GNPNAT1: variants seen among roughly 807,000 people sequenced by gnomAD.
GNPNAT1 encodes the protein glucosamine-phosphate N-acetyltransferase 1.
GNPNAT1 carries 11 observed loss-of-function variants against 19.8 expected under a neutral mutation model. The ratio of observed to expected loss-of-function variants is 0.56; its 90% CI spans 0.35 to 0.92. The LOEUF (loss-of-function observed/expected upper bound fraction) is 0.92. Ranked by LOEUF, GNPNAT1 falls within the 40% of genes least tolerant of loss-of-function variation. The probability of loss-of-function intolerance (pLI) is 0.01; values close to 1 mark genes in which losing one functional copy is unlikely to be tolerated. For synonymous variants in GNPNAT1, 71 were observed against 72.3 expected, an observed-to-expected ratio of 0.98 and a Z score of 0.09; for missense variants, 157 against 211.0, an observed-to-expected ratio of 0.74 and a Z score of 1.59.
intron 1 of GNPNAT1, among the ~76,000 whole-genome samples, chr14:52,787,491 A>G (rs567978268): frequency 6.6e-5 from 10 of 152,248 alleles, no homozygotes; most frequent in African/African-American, 2.2e-4. Flanking sequence ...AGTGGTTATT[A>G]TCTACATTTT....
At chr14:52,782,762 A>G (rs1882923113) in intron 3 of GNPNAT1, among the ~76,000 whole-genome samples, 1 of 152,100 alleles carries the variant, frequency 6.6e-6, no homozygotes, top group Non-Finnish European at 1.5e-5. Flanking sequence ...AGAATTCAAT[A>G]CAAAATTCCC....
chr14:52,779,139 G>C (rs1882818002), intron 5 of GNPNAT1, among the ~76,000 whole-genome samples: 1 of 152,056 alleles, frequency 6.6e-6, no homozygotes, highest in Admixed American at 6.6e-5. Flanking sequence ...CTTCGGAGCA[G>C]TCGACATACC....
In GNPNAT1 at chr14:52,784,488, G is replaced by A. The variant is rs1252988461; in HGVS notation, c.154+9C>T. On this transcript the variant is annotated intron_variant, in intron 2 of 5. Coordinates refer to ENST00000216410, the MANE Select transcript of GNPNAT1 (RefSeq NM_198066.4). ...TAACTCTAATTTTACACAGGATTTTGTACATTACCTCTATTTAAGTCAGCA... is the reference window on the plus strand; with the variant it reads ...TAACTCTAATTTTACACAGGATTTTATACATTACCTCTATTTAAGTCAGCA... 1.3e-6 allele frequency: 2 copies of A among 1,555,678 alleles called. No homozygotes were observed. The highest frequency in any genetic ancestry group is 1.7e-6 in the Non-Finnish European group (2 of 1,158,110).
At chr14:52,785,229 T>G (rs12887100) in intron 1 of GNPNAT1, among the ~76,000 whole-genome samples, 52,973 of 151,596 alleles carry the variant, frequency 0.35, 11,050 homozygotes, top group Middle Eastern at 0.47. Context: ...CGCCCGGCTA[T>G]TATCAGGTCT....
intron 4 of GNPNAT1, 46 bp downstream of exon 4, chr14:52,781,738 T>C (rs1204623465): frequency 6.5e-7 from 1 of 1,541,856 alleles, no homozygotes; most frequent in Non-Finnish European, 8.7e-7. Context: ...TCAAAGTCAG[T>C]TGTGCTAGAA....
At position 52,781,744 on chromosome 14, in the gene GNPNAT1, T is replaced by C. The variant is rs200460769; in HGVS notation, c.345+40A>G. On this transcript the variant is annotated intron_variant, in intron 4 of 5. Transcript: ENST00000216410. ...AATGGAAACTCAAAGTCAGTTGTGCTAGAAAACAGCTGTCCATTTTATTTA... is the reference window on the plus strand; with the variant it reads ...AATGGAAACTCAAAGTCAGTTGTGCCAGAAAACAGCTGTCCATTTTATTTA... 83 of 1,552,188 alleles carry C rather than the reference T, an allele frequency of 5.3e-5. No individual in the cohort carries two copies. The East Asian group carries it at 1.0e-3, about 19-fold the overall frequency.
In GNPNAT1 at chr14:52,777,011, G is replaced by A. The variant is rs1402196056; in HGVS notation, c.*1300C>T. The A allele has an allele frequency of 6.6e-6, 1 of 152,242 alleles. No homozygotes were observed. Among genetic ancestry groups the A allele is most frequent in the East Asian group, 1.9e-4 (1 of 5,202 alleles). 9.4% of individuals were successfully genotyped at this position (152,242 alleles called of 1,614,324 possible). ...AGTTCGTCTGTATAGGCTATAAGCA[G>A]GTAAGTAGTGCACTCTATTGGTGAA... is the stretch of plus-strand genomic sequence containing the variant. On this transcript the variant is annotated 3_prime_UTR_variant, in exon 6 of 6. Transcript: ENST00000216410.
At chr14:52,784,926 CTT>C (rs571852245) in intron 1 of GNPNAT1, among the ~76,000 whole-genome samples, 7 of 119,692 alleles carry the variant, frequency 5.8e-5, no homozygotes, top group Admixed American at 8.7e-5. Context: ...ATTATCAAGT[CTT>C]TTTTTTTTTT....
rs2139952105 is a variant in GNPNAT1, at chr14:52,775,247, G to A, written c.*3064C>T. On this transcript the variant is annotated 3_prime_UTR_variant, in exon 6 of 6. Coordinates refer to ENST00000216410, the MANE Select transcript of GNPNAT1 (RefSeq NM_198066.4). ...GATTAGTTGAGCAAGTTTGGAGTTG[G>A]AAGTGAGAGAATCGTGTTTAAAGGA... 6.6e-6 allele frequency: 1 copy of A among 152,232 alleles called. No individual in the cohort carries two copies. Among genetic ancestry groups the A allele is most frequent in the East Asian group, 1.9e-4 (1 of 5,180 alleles). The allele number at this position is 152,232 out of a possible 1,614,324, so 9.4% of individuals were successfully genotyped here. A position where few individuals can be genotyped will look rare whatever the true frequency, so the allele number is the denominator to read the frequency against.
In GNPNAT1 at chr14:52,778,168, A is replaced by G; in HGVS notation, c.*143T>C. 2.0e-6 allele frequency: 1 copy of G among 508,322 alleles called. No individual in the cohort carries two copies. The highest frequency in any genetic ancestry group is 3.9e-5 in the Admixed American group (1 of 25,646). 31.5% of individuals were successfully genotyped at this position (508,322 alleles called of 1,614,324 possible). On this transcript the variant is annotated 3_prime_UTR_variant, in exon 6 of 6. Transcript: ENST00000216410. ...CCACCAGCCCAAAGTAATCTTCTAA[A>G]TGTCATTATACTTGTAGTATTACAA...
chr14:52,784,444 T>C, intron 2 of GNPNAT1, 53 bp downstream of exon 2: 2 of 1,382,620 alleles, frequency 1.4e-6, no homozygotes, highest in East Asian at 5.1e-5. Context: ...ATCATAATGT[T>C]TAGAGAAAAA....
At chr14:52,779,723 T>A (rs1164338820) in intron 5 of GNPNAT1, among the ~76,000 whole-genome samples, 4 of 10,584 alleles carry the variant, frequency 3.8e-4, no homozygotes, top group African/African-American at 9.7e-4. Context: ...ATCCCATCTC[T>A]TAAAAAAAAA....
intron 5 of GNPNAT1, among the ~76,000 whole-genome samples, chr14:52,779,956 G>A (rs1882849351): frequency 6.6e-6 from 1 of 152,050 alleles, no homozygotes; most frequent in Non-Finnish European, 1.5e-5. Context: ...GGAGGCCAAG[G>A]CAGGAGCACT....
chr14:52,781,907 A>G lies in GNPNAT1; in HGVS notation c.222T>C (p.Ser74=). 1 of 1,605,396 alleles carries G rather than the reference A, an allele frequency of 6.2e-7. No homozygotes were observed. Among genetic ancestry groups the G allele is most frequent in the South Asian group, 1.1e-5 (1 of 89,164 alleles). ...GVVSPEQFMK[S]FEHMKKSGDY... is the part of the protein sequence containing the mutation. ...CCCCAGATTTCTTCATATGCTCAAA[A>G]GATTCTGTGGAAATTGGATAACAAA... Residue 74 remains serine (S), a synonymous_variant, in exon 4 of 6, where the codon TCT becomes TCC. Coordinates refer to ENST00000216410, the MANE Select transcript of GNPNAT1 (RefSeq NM_198066.4).
chr14:52,775,441 A>G lies in GNPNAT1; in HGVS notation c.*2870T>C, dbSNP rs1300955764. On this transcript the variant is annotated 3_prime_UTR_variant, in exon 6 of 6. Coordinates refer to ENST00000216410, the MANE Select transcript of GNPNAT1 (RefSeq NM_198066.4). ...TTTAGGCACCACTAAAAGACAGTGT[A>G]TTGCTAACAAAACTATGATAAACCA... 6.6e-6 allele frequency: 1 copy of G among 152,220 alleles called. No individual in the cohort carries two copies. The highest frequency in any genetic ancestry group is 1.5e-5 in the Non-Finnish European group (1 of 68,024). 9.4% of individuals were successfully genotyped at this position (152,220 alleles called of 1,614,324 possible).
intron 5 of GNPNAT1, among the ~76,000 whole-genome samples, chr14:52,780,176 A>T (rs939223397): frequency 6.6e-6 from 1 of 152,348 alleles, no homozygotes; most frequent in East Asian, 1.9e-4. Context: ...CCTGTCTCAA[A>T]AACTAAAAAT....
intron 4 of GNPNAT1, 93 bp downstream of exon 4, chr14:52,781,691 G>A (rs749568102): frequency 1.1e-4 from 138 of 1,225,504 alleles, no homozygotes; most frequent in Non-Finnish European, 1.5e-4. Flanking sequence ...AAGAGGCACT[G>A]AAAATCAATG....
In GNPNAT1 at chr14:52,777,023, A is replaced by C. The variant is rs755222521; in HGVS notation, c.*1288T>G. 6.6e-6 allele frequency: 1 copy of C among 152,178 alleles called. No homozygotes were observed. The highest frequency in any genetic ancestry group is 1.5e-5 in the Non-Finnish European group (1 of 68,038). 9.4% of individuals were successfully genotyped at this position (152,178 alleles called of 1,614,324 possible). On this transcript the variant is annotated 3_prime_UTR_variant, in exon 6 of 6. Coordinates refer to ENST00000216410, the MANE Select transcript of GNPNAT1 (RefSeq NM_198066.4). Reference sequence around the variant, plus strand: ...TAGGCTATAAGCAGGTAAGTAGTGCACTCTATTGGTGAAGGATTTCTGTTG... The same window carrying C: ...TAGGCTATAAGCAGGTAAGTAGTGCCCTCTATTGGTGAAGGATTTCTGTTG...
intron 1 of GNPNAT1, among the ~76,000 whole-genome samples, chr14:52,787,604 TG>T (rs764072150): frequency 1.3e-5 from 2 of 152,120 alleles, no homozygotes; most frequent in Non-Finnish European, 2.9e-5. Context: ...GATTCATACC[TG>T]GTGTTCAAAT....
Sources: gnomAD v4.1 joint callset for allele counts (sites outside exome capture counted in the v4.1 genomes callset) on GRCh38, gnomAD v4.1.1 for gene constraint, MANE v1.5 for transcripts, NCBI Gene and HGNC (gene_info 2026-07-23, HGNC 2026-07-21) for gene names.